Variants in OSBP2 observed in about 807,000 individuals in gnomAD.
The protein encoded by OSBP2 is oxysterol-binding protein 2.
Under a neutral mutation model 96.0 loss-of-function variants are expected in OSBP2, and 66 were observed. That is an observed-to-expected ratio of 0.69 (90% confidence interval 0.56 to 0.84). The LOEUF is 0.84. OSBP2 is among the 40% of genes least tolerant of loss of function. The probability of loss-of-function intolerance (pLI) is 0.00; values close to 1 mark genes in which losing one functional copy is unlikely to be tolerated. For synonymous variants in OSBP2, 525 were observed against 520.9 expected (o/e 1.01, Z -0.11); for missense variants, 1,038 against 1,222.7 (o/e 0.85, Z 2.25).
chr22:30,903,712 T>C (rs1398684012), intron 12 of OSBP2, among the ~76,000 whole-genome samples: 11 of 152,244 alleles, frequency 7.2e-5, no homozygotes, highest in Admixed American at 6.5e-4. Context: ...GCGCCGGCAC[T>C]GCGCTTGGCT....
At chr22:30,773,907 C>T (rs559007695) in intron 2 of OSBP2, among the ~76,000 whole-genome samples, 16 of 152,138 alleles carry the variant, frequency 1.1e-4, no homozygotes, top group Admixed American at 2.0e-4. Flanking sequence ...AGGGGCAGTC[C>T]GGTGGCAGTC....
chr22:30,849,408 A>G (rs2038934827), intron 2 of OSBP2, among the ~76,000 whole-genome samples: 1 of 152,166 alleles, frequency 6.6e-6, no homozygotes, highest in Non-Finnish European at 1.5e-5. Context: ...GCCAACCTGG[A>G]ATTGTTGGTC....
chr22:30,806,614 G>T (rs956941799), intron 2 of OSBP2, among the ~76,000 whole-genome samples: 4 of 152,186 alleles, frequency 2.6e-5, no homozygotes, highest in Admixed American at 6.5e-5. Flanking sequence ...GGAGGTGTTG[G>T]GGGGAGGAGA....
intron 2 of OSBP2, among the ~76,000 whole-genome samples, chr22:30,849,579 G>A (rs2038938095): frequency 6.6e-6 from 1 of 152,064 alleles, no homozygotes; most frequent in Non-Finnish European, 1.5e-5. Context: ...TTTGCTTATG[G>A]GAGGGTGATG....
intron 2 of OSBP2, among the ~76,000 whole-genome samples, chr22:30,823,579 C>T (rs1216970638): frequency 1.3e-5 from 2 of 152,242 alleles, no homozygotes; most frequent in Admixed American, 6.5e-5. Context: ...TGCCTGCTTA[C>T]TGGTTATGCT....
chr22:30,694,962 G>A lies in OSBP2; in HGVS notation c.53G>A (p.Arg18His). 1.1e-5 allele frequency: 16 copies of A among 1,491,250 alleles called. No individual in the cohort carries two copies. Among genetic ancestry groups the A allele is most frequent in the Non-Finnish European group, 1.3e-5 (15 of 1,128,422 alleles). 92.4% of individuals were successfully genotyped at this position (1,491,250 alleles called of 1,614,324 possible). Residue 18 changes from arginine to histidine, a missense_variant, in exon 1 of 14, where the codon CGC becomes CAC. Around this residue, in one of 3 missense-constraint regions of OSBP2, gnomAD observed 20 missense variants for 36.0 expected, o/e 0.55. Transcript: ENST00000332585. Reference protein sequence around the residue: ...SRGGGCGGRSRGLSSLFTVVP... With the variant: ...SRGGGCGGRSHGLSSLFTVVP... ...GGCGGCGGCTGTGGCGGCCGCTCCC[G>A]CGGGCTCTCGTCGCTGTTCACGGTT...
At chr22:30,797,579 G>A (rs891020032) in intron 2 of OSBP2, among the ~76,000 whole-genome samples, 2 of 134,606 alleles carry the variant, frequency 1.5e-5, no homozygotes, top group Admixed American at 1.5e-4. Context: ...ACCACACCTG[G>A]CCCTATTTAT....
chr22:30,888,443 T>C (rs2039865681), intron 5 of OSBP2, 103 bp downstream of exon 5: 1 of 785,830 alleles, frequency 1.3e-6, no homozygotes. Context: ...TTTCTTTCCT[T>C]TAAATCTTGC....
intron 8 of OSBP2, among the ~76,000 whole-genome samples, chr22:30,891,624 A>C (rs1602426384): frequency 6.6e-6 from 1 of 152,190 alleles, no homozygotes; most frequent in African/African-American, 2.4e-5. Flanking sequence ...CTGCAGTGAC[A>C]CACGCAGGGG....
intron 2 of OSBP2, chr22:30,822,623 C>A: frequency 6.5e-7 from 1 of 1,531,032 alleles, no homozygotes; most frequent in South Asian, 1.2e-5. Context: ...GCTGCCCCGC[C>A]GCGGGAAATG....
chr22:30,711,342 TA>T (rs2089345496), intron 1 of OSBP2, among the ~76,000 whole-genome samples: 1 of 152,008 alleles, frequency 6.6e-6, no homozygotes, highest in Admixed American at 6.6e-5. Flanking sequence ...TACATATATA[TA>T]TAAATACATT....
intron 2 of OSBP2, among the ~76,000 whole-genome samples, chr22:30,759,176 C>T (rs527613288): frequency 2.6e-5 from 4 of 152,058 alleles, no homozygotes; most frequent in South Asian, 2.1e-4. Context: ...GGTGAAACCC[C>T]GTCTCTACTA....
chr22:30,710,822 G>T (rs1457802340), intron 1 of OSBP2, among the ~76,000 whole-genome samples: 5 of 151,972 alleles, frequency 3.3e-5, no homozygotes, highest in African/African-American at 1.2e-4. Context: ...TGTTGGCCAG[G>T]CTGGTCTCAA....
intron 2 of OSBP2, among the ~76,000 whole-genome samples, chr22:30,864,723 A>C (rs980627846): frequency 1.3e-5 from 2 of 151,782 alleles, no homozygotes; most frequent in Non-Finnish European, 2.9e-5. Flanking sequence ...TACGTCCCCC[A>C]AAACTCATCC....
At chr22:30,701,260 G>A (rs2089156539) in intron 1 of OSBP2, among the ~76,000 whole-genome samples, 1 of 151,668 alleles carries the variant, frequency 6.6e-6, no homozygotes, top group African/African-American at 2.4e-5. Flanking sequence ...GTTCTCAAAA[G>A]CCAACTGCTG....
At chr22:30,772,828 T>C (rs963594388) in intron 2 of OSBP2, among the ~76,000 whole-genome samples, 1 of 151,782 alleles carries the variant, frequency 6.6e-6, no homozygotes, top group African/African-American at 2.4e-5. Flanking sequence ...AGTCTCGCTC[T>C]GTTGCCCAGG....
chr22:30,696,813 C>T (rs2089047179), intron 1 of OSBP2, among the ~76,000 whole-genome samples: 1 of 151,932 alleles, frequency 6.6e-6, no homozygotes, highest in Non-Finnish European at 1.5e-5. Context: ...GTCACCATGC[C>T]CGGCTAATTT....
chr22:30,903,256 A>G (rs1018954063), intron 12 of OSBP2, among the ~76,000 whole-genome samples: 1 of 152,212 alleles, frequency 6.6e-6, no homozygotes, highest in Non-Finnish European at 1.5e-5. Flanking sequence ...TTGGCTTCCA[A>G]CAAAAACCAG....
At chr22:30,792,484 T>G (rs907944759) in intron 2 of OSBP2, among the ~76,000 whole-genome samples, 1 of 152,152 alleles carries the variant, frequency 6.6e-6, no homozygotes, top group Non-Finnish European at 1.5e-5. Flanking sequence ...GGCCCACGGG[T>G]AAAAAGTTTG....
Sources: gnomAD v4.1 joint callset for allele counts (sites outside exome capture counted in the v4.1 genomes callset) on GRCh38, gnomAD v4.1.1 for gene constraint, gnomAD v4.1.1 regional missense constraint, MANE v1.5 for transcripts, NCBI Gene and HGNC (gene_info 2026-07-23, HGNC 2026-07-21) for gene names.